Variants in HIPK3 observed in about 807,000 individuals in gnomAD.
The protein encoded by HIPK3 is homeodomain-interacting protein kinase 3.
Under a neutral mutation model 124.2 loss-of-function variants are expected in HIPK3, and 47 were observed. The observed-to-expected ratio is 0.38, with a 90% CI of 0.30 to 0.48. The LOEUF (loss-of-function observed/expected upper bound fraction) is 0.48. Ranked by LOEUF, HIPK3 falls within the 20% of genes least tolerant of loss-of-function variation. The probability of loss-of-function intolerance (pLI) is 0.98; values close to 1 mark genes in which losing one functional copy is unlikely to be tolerated. For synonymous variants in HIPK3, 482 were observed against 515.2 expected (o/e 0.94, Z 0.87); for missense variants, 1,286 against 1,454.3 (o/e 0.88, Z 1.88).
At chr11:33,266,099 G>C (rs1850956034) in intron 1 of HIPK3, among the ~76,000 whole-genome samples, 1 of 149,514 alleles carries the variant, frequency 6.7e-6, no homozygotes, top group African/African-American at 2.5e-5. Context: ...ATTTTATCTA[G>C]TATATATTTG....
intron 2 of HIPK3, among the ~76,000 whole-genome samples, chr11:33,307,004 A>T (rs923278280): frequency 6.0e-5 from 9 of 150,886 alleles, no homozygotes; most frequent in Non-Finnish European, 1.2e-4. Context: ...AGCGGTGCGA[A>T]CTCAGCTCGC....
At chr11:33,331,306 G>A in intron 3 of HIPK3, among the ~76,000 whole-genome samples, 1 of 152,320 alleles carries the variant, frequency 6.6e-6, no homozygotes, top group East Asian at 1.9e-4. Flanking sequence ...AGTAGGGTAT[G>A]TCTCTCTCTA....
intron 2 of HIPK3, among the ~76,000 whole-genome samples, chr11:33,295,937 G>A (rs550004599): frequency 2.0e-5 from 3 of 152,262 alleles, no homozygotes; most frequent in South Asian, 4.2e-4. Context: ...CTATTCACAC[G>A]TACTATTTCT....
chr11:33,258,524 C>A, intron 1 of HIPK3: 2 of 985,492 alleles, frequency 2.0e-6, no homozygotes, highest in Non-Finnish European at 2.4e-6. Flanking sequence ...GCGTCCCCAG[C>A]GGCGGCGGGA....
At chr11:33,293,850 T>C (rs1851766574) in intron 2 of HIPK3, among the ~76,000 whole-genome samples, 1 of 152,046 alleles carries the variant, frequency 6.6e-6, no homozygotes, top group Non-Finnish European at 1.5e-5. Context: ...TGCAATCTAA[T>C]GGGTAGACAA....
intron 1 of HIPK3, chr11:33,258,412 C>A: frequency 1.0e-6 from 1 of 985,648 alleles, no homozygotes; most frequent in Non-Finnish European, 1.2e-6. Context: ...TTTGTGGCCC[C>A]GTCCCCAGCG....
Position 33,338,747 on chromosome 11 carries a change from A to G in HIPK3, c.1342-10A>G. On this transcript the variant is annotated splice_polypyrimidine_tract_variant and intron_variant, in intron 4 of 16. Transcript: ENST00000303296. Reference sequence around the variant, plus strand: ...ATGTATTCTTTTTTCCCTTTGATATATGCAATAAGACATTGGAAGAGCATG... The same window carrying G: ...ATGTATTCTTTTTTCCCTTTGATATGTGCAATAAGACATTGGAAGAGCATG... 1 of 1,569,710 alleles carries G rather than the reference A, an allele frequency of 6.4e-7. No individual in the cohort carries two copies. The highest frequency in any genetic ancestry group is 1.1e-5 in the South Asian group (1 of 88,828).
chr11:33,286,366 T>G, intron 1 of HIPK3, 47 bp from the exon 2 acceptor site: 1 of 1,393,564 alleles, frequency 7.2e-7, no homozygotes, highest in Non-Finnish European at 9.4e-7. Flanking sequence ...ACATTAATAT[T>G]TCTTCTTTCC....
intron 2 of HIPK3, among the ~76,000 whole-genome samples, chr11:33,314,845 G>A (rs1369140090): frequency 1.3e-5 from 2 of 152,040 alleles, no homozygotes; most frequent in African/African-American, 4.8e-5. Context: ...TTTTACTGAC[G>A]ATACATTATA....
intron 2 of HIPK3, among the ~76,000 whole-genome samples, chr11:33,291,278 C>T (rs1650028162): frequency 6.6e-6 from 1 of 152,090 alleles, no homozygotes; most frequent in Non-Finnish European, 1.5e-5. Flanking sequence ...CTTGATTTTT[C>T]AATTTTTGTT....
At chr11:33,260,584 A>C (rs866283072) in intron 1 of HIPK3, among the ~76,000 whole-genome samples, 1 of 152,214 alleles carries the variant, frequency 6.6e-6, no homozygotes, top group Non-Finnish European at 1.5e-5. Context: ...TTTCATAGCA[A>C]CAGTTTACCA....
At chr11:33,279,246 C>G (rs536853324) in intron 1 of HIPK3, among the ~76,000 whole-genome samples, 3 of 146,046 alleles carry the variant, frequency 2.1e-5, no homozygotes, top group African/African-American at 7.6e-5. Flanking sequence ...CCTGGGAAGG[C>G]GGAGGTTGCA....
chr11:33,288,051 C>T (rs1267032001), intron 2 of HIPK3, among the ~76,000 whole-genome samples: 1 of 152,070 alleles, frequency 6.6e-6, no homozygotes, highest in Non-Finnish European at 1.5e-5. Flanking sequence ...TTTGAAAATT[C>T]GTTTCCTTTG....
At chr11:33,269,120 G>A (rs1851053523) in intron 1 of HIPK3, among the ~76,000 whole-genome samples, 1 of 152,168 alleles carries the variant, frequency 6.6e-6, no homozygotes, top group Non-Finnish European at 1.5e-5. Context: ...TAATCAACGT[G>A]TAGCATCTTT....
intron 2 of HIPK3, among the ~76,000 whole-genome samples, 155 bp from the exon 3 acceptor site, chr11:33,328,355 T>C (rs1261763378): frequency 6.6e-6 from 1 of 152,224 alleles, no homozygotes; most frequent in Non-Finnish European, 1.5e-5. Flanking sequence ...AATTCAGGAT[T>C]ATGTCTAGGT....
At chr11:33,338,110 A>G (rs888071045) in intron 4 of HIPK3, among the ~76,000 whole-genome samples, 47 of 152,356 alleles carry the variant, frequency 3.1e-4, no homozygotes, top group African/African-American at 1.0e-3. Flanking sequence ...TTATCTTCTC[A>G]GTTCTACATT....
chr11:33,355,524 C>G lies in HIPK3; in HGVS notation c.*1956C>G, dbSNP rs931967578. The G allele has an allele frequency of 6.6e-6, 1 of 151,934 alleles. No individual in the cohort carries two copies. Among genetic ancestry groups the G allele is most frequent in the Non-Finnish European group, 1.5e-5 (1 of 67,886 alleles). The allele number at this position is 151,934 out of a possible 1,614,324, so 9.4% of individuals were successfully genotyped here. ...GTACAAAGCATTGGAGTGTAAAACTCTAGATGTTTTGGATTTACAGCGTTT... is the reference window on the plus strand; with the variant it reads ...GTACAAAGCATTGGAGTGTAAAACTGTAGATGTTTTGGATTTACAGCGTTT... On this transcript the variant is annotated 3_prime_UTR_variant, in exon 17 of 17. Transcript: ENST00000303296.
chr11:33,353,748 T>C lies in HIPK3; in HGVS notation c.*180T>C. On this transcript the variant is annotated 3_prime_UTR_variant, in exon 17 of 17. Coordinates refer to ENST00000303296, the MANE Select transcript of HIPK3 (RefSeq NM_005734.5). ...ATGTGTTTTGCACATTTGGTATAAC[T>C]TGTCTTTGGTCATGTTATCTTCTTA... 5 of 566,560 alleles carry C rather than the reference T, an allele frequency of 8.8e-6. No individual in the cohort carries two copies. The South Asian group carries it at 1.0e-4, about 12-fold the overall frequency. The allele number at this position is 566,560 out of a possible 1,614,324, so 35.1% of individuals were successfully genotyped here. A position where few individuals can be genotyped will look rare whatever the true frequency, so the allele number is the denominator to read the frequency against.
At chr11:33,301,155 A>G (rs1851987299) in intron 2 of HIPK3, among the ~76,000 whole-genome samples, 1 of 152,152 alleles carries the variant, frequency 6.6e-6, no homozygotes. Flanking sequence ...ATTAGCCACA[A>G]TATGTTACTT....
Sources: allele counts gnomAD v4.1 joint callset (sites outside exome capture counted in the v4.1 genomes callset), GRCh38; gene constraint gnomAD v4.1.1; transcripts MANE v1.5; gene names NCBI Gene and HGNC (gene_info 2026-07-23, HGNC 2026-07-21).